The following ASTN1 variants were observed in gnomAD, a reference collection of about 807,000 sequenced individuals.
The protein encoded by ASTN1 is astrotactin 1, also known as astrotactin-1.
In ASTN1, 41 loss-of-function variants were observed where a neutral mutation model predicts 140.7. The observed-to-expected ratio is 0.29, with a 90% confidence interval of 0.23 to 0.38. The LOEUF (loss-of-function observed/expected upper bound fraction) is 0.38. Ranked by LOEUF, ASTN1 falls within the 10% of genes least tolerant of loss-of-function variation. ASTN1 has a pLI of 1.00. For missense variants in ASTN1, 1,479 were observed against 1,678.8 expected, an observed-to-expected ratio of 0.88 and a Z score of 2.08; for synonymous variants, 640 against 652.2, an observed-to-expected ratio of 0.98 and a Z score of 0.29.
chr1:177,048,163 C>G (rs1251972353), intron 2 of ASTN1, among the ~76,000 whole-genome samples: 2 of 152,156 alleles, frequency 1.3e-5, no homozygotes. Flanking sequence ...GGGCGGCCGC[C>G]AGAGGGGCTC....
rs1373422618 is a variant in ASTN1, at chr1:177,164,479, G to A, written c.198C>T (p.Leu66=). The change falls in exon 1 of 23, where the codon CTC becomes CTT. Residue 66 remains leucine (L), a synonymous_variant. Coordinates refer to ENST00000361833, the MANE Select transcript of ASTN1 (RefSeq NM_004319.3). ...MHSPSASEPK[L]LFSVRNDFPG... ...GGAAGTCGTTGCGCACCGAGAAGAG[G>A]AGCTTGGGCTCCGAGGCCGAGGGGC... 5 of 1,613,874 alleles carry A rather than the reference G, an allele frequency of 3.1e-6. No homozygotes were observed. The Admixed American group carries it at 6.7e-5, about 22-fold the overall frequency.
chr1:177,153,395 GC>G (rs1329226213), intron 1 of ASTN1, among the ~76,000 whole-genome samples: 1 of 151,976 alleles, frequency 6.6e-6, no homozygotes, highest in Non-Finnish European at 1.5e-5. Context: ...AGCCAAATAA[GC>G]CTTTTTTTTC....
chr1:177,097,024 T>A (rs535371036), intron 1 of ASTN1, among the ~76,000 whole-genome samples: 1 of 151,922 alleles, frequency 6.6e-6, no homozygotes, highest in African/African-American at 2.4e-5. Flanking sequence ...TCCACAGCCA[T>A]GAGAAATGAA....
intron 7 of ASTN1, among the ~76,000 whole-genome samples, chr1:177,015,147 G>T (rs1283996428): frequency 6.6e-6 from 1 of 152,074 alleles, no homozygotes; most frequent in East Asian, 1.9e-4. Context: ...TGTTCTGTAA[G>T]CACAAAGACC....
intron 8 of ASTN1, among the ~76,000 whole-genome samples, chr1:177,012,477 C>T (rs1186931865): frequency 6.6e-6 from 1 of 152,098 alleles, no homozygotes; most frequent in Admixed American, 6.5e-5. Context: ...AAAATGAGAC[C>T]TCATAGACAG....
chr1:176,938,302 G>T (rs1406927984), intron 14 of ASTN1, among the ~76,000 whole-genome samples: 3 of 152,174 alleles, frequency 2.0e-5, no homozygotes, highest in Non-Finnish European at 4.4e-5. Flanking sequence ...CATCTATGTA[G>T]AACTATTTAA....
intron 2 of ASTN1, among the ~76,000 whole-genome samples, chr1:177,046,523 T>C (rs1677232656): frequency 6.6e-6 from 1 of 152,208 alleles, no homozygotes; most frequent in African/African-American, 2.4e-5. Context: ...ATTCGGGCTC[T>C]GGGAGGGGCC....
intron 21 of ASTN1, among the ~76,000 whole-genome samples, chr1:176,869,932 C>G (rs866713468): frequency 6.6e-6 from 1 of 152,066 alleles, no homozygotes; most frequent in Non-Finnish European, 1.5e-5. Context: ...CCACCTAGAC[C>G]AGGTGCAAAG....
At chr1:177,118,144 T>C (rs893009219) in intron 1 of ASTN1, among the ~76,000 whole-genome samples, 2 of 152,206 alleles carry the variant, frequency 1.3e-5, no homozygotes, top group African/African-American at 4.8e-5. Context: ...TTGATATTTA[T>C]ATTCCCACCA....
chr1:176,864,586 C>T, intron 22 of ASTN1, 65 bp from the exon 23 acceptor site: 7 of 1,578,534 alleles, frequency 4.4e-6, no homozygotes, highest in Non-Finnish European at 5.2e-6. Context: ...AGCACAGCTA[C>T]TGTTAGTGTG....
At chr1:177,151,477 C>A (rs2102247477) in intron 1 of ASTN1, among the ~76,000 whole-genome samples, 1 of 151,850 alleles carries the variant, frequency 6.6e-6, no homozygotes, top group Admixed American at 6.6e-5. Context: ...GAATGACTGC[C>A]CTTCCCCTTC....
rs913799064 is a variant in ASTN1 at position 176,958,485 on chromosome 1, G to T, written c.1599-3C>A. 1 of 1,608,096 alleles carries T rather than the reference G, an allele frequency of 6.2e-7. No individual in the cohort carries two copies. Among genetic ancestry groups the T allele is most frequent in the East Asian group, 2.2e-5 (1 of 44,606 alleles). ...CCTCCCCAAGAGTGTAGGTGAATCT[G>T]CAGGGACACCCAGTGCCAGGTGGTC... On this transcript the variant is annotated splice_polypyrimidine_tract_variant and splice_region_variant and intron_variant, in intron 9 of 22. Coordinates refer to ENST00000361833, the MANE Select transcript of ASTN1 (RefSeq NM_004319.3).
Position 176,926,990 on chromosome 1 carries a change from C to G in ASTN1, c.2671+7162G>C, listed in dbSNP as rs75484342. Among the ~76,000 whole-genome samples the G allele has an allele frequency of 5.5e-4, 84 of 152,282 alleles. 1 individual carries two copies. In the East Asian group the frequency reaches 0.015, roughly 27 times the overall value. ...CTGTTTACTATCCTGGGAGAGGAAC[C>G]AATTTAGTCTTCCTGGGCTTTATCC... On this transcript the variant is annotated intron_variant, in intron 16 of 22. Coordinates refer to ENST00000361833, the MANE Select transcript of ASTN1 (RefSeq NM_004319.3).
chr1:176,926,031 T>A (rs1204961149), intron 16 of ASTN1, among the ~76,000 whole-genome samples: 2 of 152,082 alleles, frequency 1.3e-5, no homozygotes, highest in East Asian at 3.9e-4. Context: ...ATGGTCTCGA[T>A]CTTCTGACCT....
At chr1:176,970,461 T>C (rs998892608) in intron 8 of ASTN1, among the ~76,000 whole-genome samples, 2 of 152,148 alleles carry the variant, frequency 1.3e-5, no homozygotes, top group Non-Finnish European at 1.5e-5. Flanking sequence ...CTGTGGCACT[T>C]GGAAACAGAG....
At chr1:177,107,283 A>G (rs543162857) in intron 1 of ASTN1, among the ~76,000 whole-genome samples, 1 of 152,314 alleles carries the variant, frequency 6.6e-6, no homozygotes, top group African/African-American at 2.4e-5. Context: ...CTAGCTATAC[A>G]ATAATACAAT....
intron 21 of ASTN1, 105 bp downstream of exon 21, chr1:176,876,432 C>T (rs1018733080): frequency 7.5e-6 from 9 of 1,196,372 alleles, no homozygotes; most frequent in African/African-American, 1.5e-5. Flanking sequence ...CCCTGCTGAA[C>T]TCCAGGTTGT....
chr1:176,903,277 T>TTCTC (rs138995649), intron 16 of ASTN1, among the ~76,000 whole-genome samples: 8,948 of 150,288 alleles, frequency 0.06, 339 homozygotes, highest in Non-Finnish European at 0.087. Flanking sequence ...AAGTGTTTCC[T>TTCTC]TCTCTCTCTC....
intron 22 of ASTN1, among the ~76,000 whole-genome samples, chr1:176,865,644 C>A (rs1335480047): frequency 2.0e-5 from 3 of 152,216 alleles, no homozygotes; most frequent in Non-Finnish European, 4.4e-5. Context: ...CTATTCTTTG[C>A]AGCATTTATT....
Sources: allele counts gnomAD v4.1 joint callset (sites outside exome capture counted in the v4.1 genomes callset), GRCh38; gene constraint gnomAD v4.1.1; transcripts MANE v1.5; gene names NCBI Gene and HGNC (gene_info 2026-07-23, HGNC 2026-07-21).